PPP1R1A: variants seen among roughly 807,000 people sequenced by gnomAD.
The protein encoded by PPP1R1A is protein phosphatase 1 regulatory inhibitor subunit 1A, also known as protein phosphatase 1 regulatory subunit 1A.
A neutral mutation model predicts 23.9 loss-of-function variants in PPP1R1A; 18 were observed. The ratio of observed to expected loss-of-function variants is 0.75; its 90% CI spans 0.52 to 1.12. PPP1R1A has a LOEUF of 1.12. PPP1R1A is among the 50% of genes most tolerant of loss of function. PPP1R1A has a pLI of 0.00. For synonymous variants in PPP1R1A, 84 were observed against 80.7 expected (o/e 1.04, Z -0.22); for missense variants, 207 against 223.8 (o/e 0.92, Z 0.48).
chr12:54,587,746 C>T (rs1957924281), intron 1 of PPP1R1A, among the ~76,000 whole-genome samples: 1 of 152,148 alleles, frequency 6.6e-6, no homozygotes, highest in African/African-American at 2.4e-5. Context: ...CTCCCCACTC[C>T]AAAGGGCAGG....
chr12:54,587,063 C>T (rs1047842826), intron 1 of PPP1R1A, among the ~76,000 whole-genome samples: 12 of 152,158 alleles, frequency 7.9e-5, no homozygotes, highest in African/African-American at 1.4e-4. Flanking sequence ...AGAGCCTTCC[C>T]GTAGTCACAC....
rs367931803 is a variant in PPP1R1A at position 54,581,927 on chromosome 12, G to C, written c.403+49C>G. 1.5e-5 allele frequency: 23 copies of C among 1,568,266 alleles called. No individual in the cohort carries two copies. In the African/African-American group the frequency reaches 2.8e-4, roughly 19 times the overall value. Reference sequence around the variant, plus strand: ...CCGCAGTGGGTAAGGCTTGCCTCCTGCTGGGCTGGGAAATAGGATGCCTGG... The same window carrying C: ...CCGCAGTGGGTAAGGCTTGCCTCCTCCTGGGCTGGGAAATAGGATGCCTGG... On this transcript the variant is annotated intron_variant, in intron 5 of 6. Transcript: ENST00000257905. The surrounding 1 kb of genome is among the most constrained non-coding windows in gnomAD (Gnocchi z 4.1).
chr12:54,586,708 T>G (rs548763140), intron 1 of PPP1R1A, among the ~76,000 whole-genome samples: 145 of 152,316 alleles, frequency 9.5e-4, no homozygotes, highest in African/African-American at 3.3e-3. Flanking sequence ...TTTTTCCCTC[T>G]GACTCCTCAG....
chr12:54,579,768 G>A lies in PPP1R1A; in HGVS notation c.*619C>T. The A allele has an allele frequency of 1.0e-6, 1 of 985,678 alleles. No individual in the cohort carries two copies. Among genetic ancestry groups the A allele is most frequent in the Non-Finnish European group, 1.2e-6 (1 of 830,112 alleles). The allele number at this position is 985,678 out of a possible 1,614,324, so 61.1% of individuals were successfully genotyped here. A position where few individuals can be genotyped will look rare whatever the true frequency, so the allele number is the denominator to read the frequency against. On this transcript the variant is annotated 3_prime_UTR_variant, in exon 7 of 7. Coordinates refer to ENST00000257905, the MANE Select transcript of PPP1R1A (RefSeq NM_006741.4). ...ACAGCTGGAAGAGGGAACACATCCT[G>A]AAGCTTGGGAATCCAAAAGGAAGGC...
intron 1 of PPP1R1A, among the ~76,000 whole-genome samples, chr12:54,586,900 A>C (rs1490745883): frequency 1.3e-5 from 2 of 152,174 alleles, no homozygotes; most frequent in Non-Finnish European, 2.9e-5. Flanking sequence ...TCCACAGTCC[A>C]GACTCTTGAG....
At position 54,588,477 on chromosome 12, in the gene PPP1R1A, G is replaced by T. The variant is rs1417507808; in HGVS notation, c.12C>A (p.Asp4Glu). 3.5e-6 allele frequency: 5 copies of T among 1,428,602 alleles called. No individual in the cohort carries two copies. Among genetic ancestry groups the T allele is most frequent in the Middle Eastern group, 3.6e-4 (2 of 5,514 alleles). The allele number at this position is 1,428,602 out of a possible 1,614,324, so 88.5% of individuals were successfully genotyped here. Residue 4 changes from aspartate to glutamate, a missense_variant, in exon 1 of 7, where the codon GAC becomes GAA. Transcript: ENST00000257905. ...TGAACTGGATCTTTCGGGGGCTGTTGTCTTGCTCCATGGCTGGGGCGGCGG... is the reference window on the plus strand; with the variant it reads ...TGAACTGGATCTTTCGGGGGCTGTTTTCTTGCTCCATGGCTGGGGCGGCGG... MEQ[D>E]NSPRKIQFTV...
In PPP1R1A at chr12:54,583,260, A is replaced by AGGGAAAGGAGAGGGTGATAAGGAC. The variant is rs1233801058; in HGVS notation, c.146-36_146-13dup. 5.3e-6 allele frequency: 8 copies of AGGGAAAGGAGAGGGTGATAAGGAC among 1,508,172 alleles called. No homozygotes were observed. The highest frequency in any genetic ancestry group is 7.1e-6 in the Non-Finnish European group (8 of 1,132,312). 93.4% of individuals were successfully genotyped at this position (1,508,172 alleles called of 1,614,324 possible). A position where few individuals can be genotyped will look rare whatever the true frequency, so the allele number is the denominator to read the frequency against. On this transcript the variant is annotated splice_polypyrimidine_tract_variant and intron_variant, in intron 2 of 6. Transcript: ENST00000257905. ...GTCTTCATCTATCTCTGAAGGGAACAGGGAAAGGAGAGGGTGATAAGGACA... is the reference window on the plus strand; with the variant it reads ...GTCTTCATCTATCTCTGAAGGGAACAGGGAAAGGAGAGGGTGATAAGGACGGGAAAGGAGAGGGTGATAAGGACA...
intron 2 of PPP1R1A, among the ~76,000 whole-genome samples, chr12:54,583,854 C>A (rs1565712210): frequency 1.3e-5 from 2 of 152,336 alleles, no homozygotes; most frequent in East Asian, 1.9e-4. Flanking sequence ...CTCAGCTGCT[C>A]CCTGAGCTGC....
At chr12:54,585,132 T>G (rs1957897336) in intron 1 of PPP1R1A, among the ~76,000 whole-genome samples, 1 of 152,198 alleles carries the variant, frequency 6.6e-6, no homozygotes, top group African/African-American at 2.4e-5. Context: ...GATCTGAACG[T>G]GCATCTCCTC....
intron 1 of PPP1R1A, among the ~76,000 whole-genome samples, chr12:54,586,888 C>T (rs1171831625): frequency 6.6e-6 from 1 of 152,202 alleles, no homozygotes; most frequent in East Asian, 1.9e-4. Context: ...GCATCCCCAA[C>T]CTCCACAGTC....
In PPP1R1A at chr12:54,579,525, C is replaced by G. The variant is rs532840656; in HGVS notation, c.*862G>C. On this transcript the variant is annotated 3_prime_UTR_variant, in exon 7 of 7. Coordinates refer to ENST00000257905, the MANE Select transcript of PPP1R1A (RefSeq NM_006741.4). ...TCTTGCCTTCCCTCCTTTCCTCTCT[C>G]CCACTACCTGGGAAAATCAAAAACA... 2.0e-6 allele frequency: 2 copies of G among 985,378 alleles called. No homozygotes were observed. The highest frequency in any genetic ancestry group is 2.4e-6 in the Non-Finnish European group (2 of 829,910). 61.0% of individuals were successfully genotyped at this position (985,378 alleles called of 1,614,324 possible).
intron 1 of PPP1R1A, among the ~76,000 whole-genome samples, chr12:54,586,075 G>C (rs1298077794): frequency 6.6e-6 from 1 of 152,148 alleles, no homozygotes; most frequent in African/African-American, 2.4e-5. Context: ...CCATCCTGGA[G>C]GGGCAGGGTG....
intron 3 of PPP1R1A, 24 bp from the exon 4 acceptor site, chr12:54,582,819 T>C (rs1004164967): frequency 3.7e-6 from 6 of 1,610,674 alleles, no homozygotes; most frequent in Non-Finnish European, 4.2e-6. Flanking sequence ...AGAGCACAGA[T>C]GGGCGCCAGC....
At chr12:54,583,313 C>A (rs1297455032) in intron 2 of PPP1R1A, 65 bp from the exon 3 acceptor site, 34 of 1,358,340 alleles carry the variant, frequency 2.5e-5, no homozygotes, top group Non-Finnish European at 3.2e-5. Flanking sequence ...ATAGAGCTGA[C>A]TTCTCAGGGG....
Position 54,580,228 on chromosome 12 carries a change from C to T in PPP1R1A, c.*159G>A. ...GGCAAGAAGGCAGGGAGAAAGGATT[C>T]TCCCAGTTGGAAAAGAAGGAAAGTG... On this transcript the variant is annotated 3_prime_UTR_variant, in exon 7 of 7. Transcript: ENST00000257905. 3 of 1,446,286 alleles carry T rather than the reference C, an allele frequency of 2.1e-6. No homozygotes were observed. The highest frequency in any genetic ancestry group is 2.7e-6 in the Non-Finnish European group (3 of 1,094,900). The allele number at this position is 1,446,286 out of a possible 1,614,324, so 89.6% of individuals were successfully genotyped here. A position where few individuals can be genotyped will look rare whatever the true frequency, so the allele number is the denominator to read the frequency against.
chr12:54,587,678 G>C (rs1270364495), intron 1 of PPP1R1A, among the ~76,000 whole-genome samples: 1 of 152,136 alleles, frequency 6.6e-6, no homozygotes. Flanking sequence ...TTGGACCCCA[G>C]CCCCTGGAAA....
Position 54,584,322 on chromosome 12 carries a change from T to C in PPP1R1A, c.85-2A>G. ...AGGGGTGGGGCGGCGCCTCCGAATC[T>C]GAGGGAAGGTGGGAAATGGGGAAGA... On this transcript the variant is annotated splice_acceptor_variant, in intron 1 of 6. Transcript: ENST00000257905. LOFTEE classifies it high-confidence loss of function. 1 of 1,596,446 alleles carries C rather than the reference T, an allele frequency of 6.3e-7. No individual in the cohort carries two copies. Among genetic ancestry groups the C allele is most frequent in the Non-Finnish European group, 8.5e-7 (1 of 1,171,530 alleles).
At position 54,584,306 on chromosome 12, in the gene PPP1R1A, G is replaced by A; in HGVS notation, c.99C>T (p.Arg33=). 6.2e-7 allele frequency: 1 copy of A among 1,603,600 alleles called. No individual in the cohort carries two copies. The highest frequency in any genetic ancestry group is 8.5e-7 in the Non-Finnish European group (1 of 1,175,518). ...TCAGCACGAGGGTGGCAGGGGTGGG[G>A]CGGCGCCTCCGAATCTGAGGGAAGG... is the stretch of plus-strand genomic sequence containing the variant. ...PEAAEQIRRR[R]PTPATLVLTS... The change falls in exon 2 of 7, where the codon CGC becomes CGT. Residue 33 remains arginine (R), a synonymous_variant. Coordinates refer to ENST00000257905, the MANE Select transcript of PPP1R1A (RefSeq NM_006741.4).
rs777901060 is a variant in PPP1R1A at position 54,583,292 on chromosome 12, C to T, written c.146-44G>A. 1.2e-5 allele frequency: 17 copies of T among 1,446,898 alleles called. No individual in the cohort carries two copies. In the Admixed American group the frequency reaches 1.9e-4, roughly 16 times the overall value. The allele number at this position is 1,446,898 out of a possible 1,614,324, so 89.6% of individuals were successfully genotyped here. On this transcript the variant is annotated intron_variant, in intron 2 of 6. Transcript: ENST00000257905. ...GGAGAGGGTGATAAGGACAGGAAAC[C>T]AGGGATCCCCATAGAGCTGACTTCT...
Sources: gnomAD v4.1 joint callset for allele counts (sites outside exome capture counted in the v4.1 genomes callset) on GRCh38, gnomAD v4.1.1 for gene constraint, Gnocchi (gnomAD v3.1) non-coding constraint, MANE v1.5 for transcripts, NCBI Gene and HGNC (gene_info 2026-07-23, HGNC 2026-07-21) for gene names.